Variants in DCT observed in about 807,000 individuals in gnomAD.
The protein encoded by DCT is dopachrome tautomerase.
A neutral mutation model predicts 53.0 loss-of-function variants in DCT; 47 were observed. The ratio of observed to expected loss-of-function variants is 0.89; its 90% CI spans 0.70 to 1.13. The LOEUF is 1.13. Among genes scored for constraint, DCT ranks in the 50% most tolerant of loss-of-function variants. The pLI, the probability that DCT is intolerant of heterozygous loss-of-function variation, is 0.00. For missense variants in DCT, 669 were observed against 637.4 expected (o/e 1.05, Z -0.53); for synonymous variants, 244 against 237.0 (o/e 1.03, Z -0.27).
the DCT span, among the ~76,000 whole-genome samples, chr13:94,497,278 CT>C: frequency 2.0e-5 from 3 of 152,172 alleles, no homozygotes; most frequent in Non-Finnish European, 4.4e-5. Context: ...TAACCCTTCC[CT>C]GAGTCTCCAG....
chr13:94,513,598 C>T, the DCT span, among the ~76,000 whole-genome samples: 1 of 152,000 alleles, frequency 6.6e-6, no homozygotes, highest in Admixed American at 6.6e-5. Flanking sequence ...ACAAAACAAG[C>T]AGGAAGCAGC....
chr13:94,474,990 C>T (rs565319940), intron 1 of DCT, among the ~76,000 whole-genome samples: 1 of 152,238 alleles, frequency 6.6e-6, no homozygotes, highest in East Asian at 1.9e-4. Flanking sequence ...TGGATCATCC[C>T]AGGAGTGCCC....
intron 5 of DCT, among the ~76,000 whole-genome samples, chr13:94,461,581 A>C (rs2139327409): frequency 6.6e-6 from 1 of 152,274 alleles, no homozygotes; most frequent in South Asian, 2.1e-4. Flanking sequence ...ATTTGAGTTG[A>C]ATTTAGTCTG....
At chr13:94,481,083 A>G (rs1594335448), upstream of DCT, among the ~76,000 whole-genome samples, 1 of 151,924 alleles carries the variant, frequency 6.6e-6, no homozygotes, top group Admixed American at 6.6e-5. Context: ...TTGGCTTGAA[A>G]CCGCAGCTCC....
rs772155617 is a variant in DCT, at chr13:94,443,473, T to C, written c.1344A>G (p.Ser448=). ...TGGCATAGCTGTAGCCAAGTTGGTC[T>C]GAGGTTAAAAAGAGTTCTTCATTAG... is the stretch of plus-strand genomic sequence containing the variant. ...PVTNEELFLT[S]DQLGYSYAID... is the part of the protein sequence containing the mutation. The change falls in exon 7 of 8, where the codon TCA becomes TCG. Residue 448 remains serine, a synonymous_variant. Transcript: ENST00000377028. The C allele has an allele frequency of 1.2e-6, 2 of 1,614,092 alleles. No individual in the cohort carries two copies. Among genetic ancestry groups the C allele is most frequent in the Non-Finnish European group, 1.7e-6 (2 of 1,179,956 alleles).
chr13:94,526,052 C>T, the DCT span, among the ~76,000 whole-genome samples: 3 of 152,260 alleles, frequency 2.0e-5, no homozygotes, highest in African/African-American at 7.2e-5. Flanking sequence ...ATTCTGGCCA[C>T]ATGTGCTGTC....
rs146431434 is a variant in DCT, at chr13:94,450,181, C to T, written c.1180-6544G>A. 1.9e-3 allele frequency among the ~76,000 whole-genome samples: 282 copies of T among 152,256 alleles called. 3 individuals carry two copies. Among genetic ancestry groups the T allele is most frequent in the Middle Eastern group, 3.4e-3 (1 of 294 alleles). Reference sequence around the variant, plus strand: ...AGCCAGGAAGAAGTTCCTCACCACACGCTGAATCTGCTAATGCCTTGATCT... The same window carrying T: ...AGCCAGGAAGAAGTTCCTCACCACATGCTGAATCTGCTAATGCCTTGATCT... On this transcript the variant is annotated intron_variant, in intron 6 of 7. Transcript: ENST00000377028.
the DCT span, among the ~76,000 whole-genome samples, chr13:94,540,781 G>A: frequency 2.6e-5 from 4 of 152,228 alleles, no homozygotes; most frequent in East Asian, 3.9e-4. Flanking sequence ...ATATGATCCC[G>A]CAATCCCACT....
At chr13:94,509,136 G>C in the DCT span, among the ~76,000 whole-genome samples, 2 of 152,218 alleles carry the variant, frequency 1.3e-5, no homozygotes. Context: ...TTGGAAATAA[G>C]AGGCTGAATC....
chr13:94,477,751 A>G (rs1885190040), intron 1 of DCT, among the ~76,000 whole-genome samples: 1 of 152,220 alleles, frequency 6.6e-6, no homozygotes, highest in South Asian at 2.1e-4. Context: ...TATGAAGCTC[A>G]ATGACCTATA....
chr13:94,468,457 C>T, intron 2 of DCT: 1 of 297,874 alleles, frequency 3.4e-6, no homozygotes, highest in Admixed American at 4.6e-5. Context: ...CTCCACCTCA[C>T]CAACTCACAT....
At chr13:94,485,059 G>A in the DCT span, among the ~76,000 whole-genome samples, 1 of 143,332 alleles carries the variant, frequency 7.0e-6, no homozygotes, top group East Asian at 2.3e-4. Flanking sequence ...ATGACCGAAT[G>A]TCAAGGTCCA....
the DCT span, among the ~76,000 whole-genome samples, chr13:94,532,239 G>A: frequency 1.3e-5 from 2 of 152,158 alleles, no homozygotes; most frequent in Non-Finnish European, 2.9e-5. Context: ...GATTCCTCAA[G>A]GATCTAGAAC....
At chr13:94,509,200 T>A in the DCT span, among the ~76,000 whole-genome samples, 5 of 152,276 alleles carry the variant, frequency 3.3e-5, no homozygotes, top group African/African-American at 9.6e-5. Flanking sequence ...AACTATGAGA[T>A]CTAAAATTTG....
the DCT span, among the ~76,000 whole-genome samples, chr13:94,494,302 T>G: frequency 6.6e-6 from 1 of 152,226 alleles, no homozygotes; most frequent in Non-Finnish European, 1.5e-5. Context: ...GCATTTTGAT[T>G]GCTTTGTCAC....
chr13:94,472,754 G>A (rs570000087), intron 1 of DCT, among the ~76,000 whole-genome samples: 1 of 150,666 alleles, frequency 6.6e-6, no homozygotes, highest in South Asian at 2.1e-4. Context: ...GCCAATTTTT[G>A]TATTTTTAGT....
At chr13:94,463,778 A>G (rs1883976572) in intron 4 of DCT, among the ~76,000 whole-genome samples, 2 of 152,152 alleles carry the variant, frequency 1.3e-5, no homozygotes, top group Non-Finnish European at 2.9e-5. Flanking sequence ...AGGACCCAGT[A>G]TGTGAGAATA....
intron 2 of DCT, 92 bp from the exon 3 acceptor site, chr13:94,466,750 TC>T: frequency 2.8e-6 from 2 of 712,926 alleles, no homozygotes; most frequent in Non-Finnish European, 4.4e-6. Flanking sequence ...AGCCAATAAG[TC>T]CATGATGTTT....
chr13:94,539,250 A>G, the DCT span, among the ~76,000 whole-genome samples: 2 of 152,240 alleles, frequency 1.3e-5, no homozygotes, highest in South Asian at 2.1e-4. Flanking sequence ...GCAGACGGCA[A>G]GCTCTCAGGA....
Sources: allele counts gnomAD v4.1 joint callset (sites outside exome capture counted in the v4.1 genomes callset), GRCh38; gene constraint gnomAD v4.1.1; transcripts MANE v1.5; gene names NCBI Gene and HGNC (gene_info 2026-07-23, HGNC 2026-07-21).